The following MAPKAP1 variants were observed in gnomAD, a reference collection of about 807,000 sequenced individuals.
MAPKAP1 encodes MAPK associated protein 1.
Under a neutral mutation model 65.7 loss-of-function variants are expected in MAPKAP1, and 20 were observed. The ratio of observed to expected loss-of-function variants is 0.30; its 90% CI spans 0.21 to 0.44. MAPKAP1 has a LOEUF of 0.44. MAPKAP1 is among the 20% of genes least tolerant of loss of function. MAPKAP1 has a pLI of 1.00. For synonymous variants in MAPKAP1, 222 were observed against 244.3 expected (o/e 0.91, Z 0.85); for missense variants, 423 against 648.0 (o/e 0.65, Z 3.77).
At chr9:125,694,926 T>G (rs907684486) in intron 1 of MAPKAP1, among the ~76,000 whole-genome samples, 2 of 152,260 alleles carry the variant, frequency 1.3e-5, no homozygotes, top group Non-Finnish European at 2.9e-5. Context: ...GACAGAGGTC[T>G]GTCATTGAAG....
At chr9:125,521,166 GT>G (rs1252184837) in intron 7 of MAPKAP1, among the ~76,000 whole-genome samples, 2 of 152,220 alleles carry the variant, frequency 1.3e-5, no homozygotes, top group East Asian at 3.8e-4. Context: ...GGCAGAGAGT[GT>G]GCTTGAAGGC....
rs143037628 is a variant in MAPKAP1 at position 125,546,763 on chromosome 9, C to G, written c.849-3595G>C. 2.0e-5 allele frequency among the ~76,000 whole-genome samples: 3 copies of G among 152,220 alleles called. No individual in the cohort carries two copies. The East Asian group carries it at 5.8e-4, about 29-fold the overall frequency. On this transcript the variant is annotated intron_variant, in intron 6 of 11. Transcript: ENST00000265960. ...TGCTCCTGGTCCTGGCCTGCCTTCC[C>G]TGTGGCACACGCTCCAGTCTCTGGG... is the stretch of plus-strand genomic sequence containing the variant.
chr9:125,553,081 T>G (rs1275705684), intron 6 of MAPKAP1, among the ~76,000 whole-genome samples: 2 of 152,022 alleles, frequency 1.3e-5, no homozygotes, highest in East Asian at 1.9e-4. Context: ...ACTGTGTGTG[T>G]GTGGGGGGGT....
chr9:125,562,463 T>G (rs1046113422), intron 5 of MAPKAP1, among the ~76,000 whole-genome samples: 2 of 152,222 alleles, frequency 1.3e-5, no homozygotes, highest in African/African-American at 2.4e-5. Flanking sequence ...CAGTAAAGTC[T>G]AGCAGTAAAT....
chr9:125,443,753 C>T (rs1852592429), intron 11 of MAPKAP1, among the ~76,000 whole-genome samples: 1 of 145,248 alleles, frequency 6.9e-6, no homozygotes, highest in African/African-American at 2.5e-5. Context: ...TCAGCCCATT[C>T]CCAGGCTGCC....
chr9:125,675,025 C>A (rs1035543163), intron 1 of MAPKAP1, among the ~76,000 whole-genome samples: 4 of 152,118 alleles, frequency 2.6e-5, no homozygotes, highest in Non-Finnish European at 5.9e-5. Context: ...ATACAAACTT[C>A]TCTATAACCA....
At position 125,447,264 on chromosome 9, in the gene MAPKAP1, A is replaced by T; in HGVS notation, c.1346-2666T>A. 2.6e-6 allele frequency: 1 copy of T among 390,466 alleles called. No individual in the cohort carries two copies. The highest frequency in any genetic ancestry group is 2.7e-5 in the Admixed American group (1 of 37,496). The allele number at this position is 390,466 out of a possible 1,614,324, so 24.2% of individuals were successfully genotyped here. A position where few individuals can be genotyped will look rare whatever the true frequency, so the allele number is the denominator to read the frequency against. On this transcript the variant is annotated intron_variant, in intron 10 of 11. Coordinates refer to ENST00000265960, the MANE Select transcript of MAPKAP1 (RefSeq NM_001006617.3). The surrounding 1 kb of genome is among the most constrained non-coding windows in gnomAD (Gnocchi z 4.5). ...CAGGTGAGGAGGAGGAAGAGTCCCA[A>T]CATTCCCCCACTCTCCCTCAAGCCT... is the stretch of plus-strand genomic sequence containing the variant.
intron 4 of MAPKAP1, among the ~76,000 whole-genome samples, chr9:125,656,422 C>A (rs1294081610): frequency 6.6e-6 from 1 of 152,164 alleles, no homozygotes; most frequent in Non-Finnish European, 1.5e-5. Flanking sequence ...TTGGAGGAAA[C>A]TTCCAGAGCA....
At chr9:125,692,604 A>G (rs1835203380) in intron 1 of MAPKAP1, among the ~76,000 whole-genome samples, 1 of 152,208 alleles carries the variant, frequency 6.6e-6, no homozygotes, top group Non-Finnish European at 1.5e-5. Flanking sequence ...ATATCCTAAG[A>G]GTCATTAAAT....
At chr9:125,540,506 G>A (rs1830211257) in intron 7 of MAPKAP1, among the ~76,000 whole-genome samples, 2 of 152,180 alleles carry the variant, frequency 1.3e-5, no homozygotes, top group South Asian at 4.1e-4. Context: ...ATTTTGATTT[G>A]AACTGGTATT....
intron 4 of MAPKAP1, among the ~76,000 whole-genome samples, chr9:125,638,802 G>A (rs1337031693): frequency 6.6e-6 from 1 of 152,202 alleles, no homozygotes; most frequent in African/African-American, 2.4e-5. Context: ...GGCTACAGCT[G>A]CAAATATTCA....
chr9:125,672,469 C>G lies in MAPKAP1; in HGVS notation c.106G>C (p.Val36Leu), dbSNP rs773668032. 7 of 1,614,190 alleles carry G rather than the reference C, an allele frequency of 4.3e-6. No homozygotes were observed. Among genetic ancestry groups the G allele is most frequent in the Non-Finnish European group, 5.9e-6 (7 of 1,180,028 alleles). The change falls in exon 2 of 12, where the codon GTT (valine) becomes CTT (leucine). Residue 36 changes from valine (V) to leucine (L), a missense_variant. Physicochemically the swap from Val to Leu is conservative, Grantham distance 32. Around this residue, in one of 6 missense-constraint regions of MAPKAP1, gnomAD observed 58 missense variants for 56.9 expected, o/e 1.02. Coordinates refer to ENST00000265960, the MANE Select transcript of MAPKAP1 (RefSeq NM_001006617.3). The part of the protein sequence containing the change: ...MCEMVLIDHD[V>L]DLEKIHPPSM... Reference sequence around the variant, plus strand: ...GGAGGATGAATCTTCTCTAGGTCAACATCATGATCAATGAGAACCATCTCA... The same window carrying G: ...GGAGGATGAATCTTCTCTAGGTCAAGATCATGATCAATGAGAACCATCTCA...
intron 1 of MAPKAP1, among the ~76,000 whole-genome samples, chr9:125,673,745 ACT>A (rs943918489): frequency 1.2e-4 from 18 of 150,966 alleles, no homozygotes; most frequent in Admixed American, 2.0e-4. Flanking sequence ...CACAATCAAA[ACT>A]CTATCTCTAC....
At chr9:125,686,806 C>T (rs7863341) in intron 1 of MAPKAP1, among the ~76,000 whole-genome samples, 73,757 of 151,796 alleles carry the variant, frequency 0.49, 18,875 homozygotes, top group African/African-American at 0.66. Flanking sequence ...ACAGGCATTA[C>T]TGCCGTTTTT....
At chr9:125,691,429 T>TGTTTCAGACACAATGAGCGG (rs1392073838) in intron 1 of MAPKAP1, among the ~76,000 whole-genome samples, 4 of 152,162 alleles carry the variant, frequency 2.6e-5, no homozygotes, top group Non-Finnish European at 5.9e-5. Flanking sequence ...TGAGGAGTTA[T>TGTTTCAGACACAATGAGCGG]GTTTCAGACA....
intron 8 of MAPKAP1, among the ~76,000 whole-genome samples, chr9:125,500,849 A>C (rs1463907158): frequency 1.3e-5 from 2 of 152,194 alleles, no homozygotes; most frequent in East Asian, 3.8e-4. Context: ...TAAAGTTCCT[A>C]CCTATGAATT....
At chr9:125,662,253 G>A (rs1455310230) in intron 3 of MAPKAP1, among the ~76,000 whole-genome samples, 3 of 152,102 alleles carry the variant, frequency 2.0e-5, no homozygotes, top group Non-Finnish European at 4.4e-5. Flanking sequence ...ATGGTGACAT[G>A]TGCCTGTAGT....
Position 125,438,854 on chromosome 9 carries a change from A to G in MAPKAP1, c.*33T>C. On this transcript the variant is annotated 3_prime_UTR_variant, in exon 12 of 12. Transcript: ENST00000265960. ...ACTTGGCCCTGGCAGGCAGGCTCTG[A>G]GCTACGGAACAGATTGAGGCTGGAG... 1 of 1,613,652 alleles carries G rather than the reference A, an allele frequency of 6.2e-7. No individual in the cohort carries two copies. The highest frequency in any genetic ancestry group is 8.5e-7 in the Non-Finnish European group (1 of 1,179,754).
At chr9:125,698,292 T>TAAA (rs1835466671) in intron 1 of MAPKAP1, among the ~76,000 whole-genome samples, 1 of 3,968 alleles carries the variant, frequency 2.5e-4, no homozygotes, top group African/African-American at 1.1e-3. Context: ...TATATAAATA[T>TAAA]ATATATATAT....
Sources: gnomAD v4.1 joint callset for allele counts (sites outside exome capture counted in the v4.1 genomes callset) on GRCh38, gnomAD v4.1.1 for gene constraint, gnomAD v4.1.1 regional missense constraint, Gnocchi (gnomAD v3.1) non-coding constraint, MANE v1.5 for transcripts, NCBI Gene and HGNC (gene_info 2026-07-23, HGNC 2026-07-21) for gene names.